The following KIAA2012 variants were observed in gnomAD, a reference collection of about 807,000 sequenced individuals.
KIAA2012 encodes the protein uncharacterized protein KIAA2012.
KIAA2012 carries 125 observed loss-of-function variants against 150.6 expected under a neutral mutation model. The observed-to-expected ratio is 0.83, with a 90% confidence interval of 0.72 to 0.96. The LOEUF (loss-of-function observed/expected upper bound fraction) is 0.96. KIAA2012 is among the 40% of genes least tolerant of loss of function. The pLI, the probability that KIAA2012 is intolerant of heterozygous loss-of-function variation, is 0.00. For missense variants in KIAA2012, 1,219 were observed against 1,354.9 expected (o/e 0.90, Z 1.57); for synonymous variants, 462 against 504.7 (o/e 0.92, Z 1.13).
chr2:202,186,691 G>A (rs1375757441), intron 16 of KIAA2012, among the ~76,000 whole-genome samples: 2 of 152,148 alleles, frequency 1.3e-5, no homozygotes, highest in Non-Finnish European at 2.9e-5. Flanking sequence ...ACCCCAAAGA[G>A]CAAACAATTT....
chr2:202,176,386 AG>A (rs1463778543), intron 15 of KIAA2012, among the ~76,000 whole-genome samples: 17 of 152,032 alleles, frequency 1.1e-4, no homozygotes, highest in Admixed American at 1.1e-3. Context: ...TAGTAGAGAC[AG>A]GGTTTCACCA....
intron 22 of KIAA2012, among the ~76,000 whole-genome samples, chr2:202,199,800 G>C (rs1295872923): frequency 6.6e-6 from 1 of 152,050 alleles, no homozygotes. Flanking sequence ...CCAAATGAGT[G>C]GCTGCATCAG....
At position 202,165,247 on chromosome 2, in the gene KIAA2012, T is replaced by C. The variant is rs748185104; in HGVS notation, c.2047-37T>C. The C allele has an allele frequency of 7.8e-6, 12 of 1,531,064 alleles. No individual in the cohort carries two copies. The South Asian group carries it at 1.3e-4, about 17-fold the overall frequency. The allele number at this position is 1,531,064 out of a possible 1,614,324, so 94.8% of individuals were successfully genotyped here. ...GTGTTTTAAGTGTTTGCATTTATTATGTCTAATGTATTCTTTGTTGTGTGT... is the reference window on the plus strand; with the variant it reads ...GTGTTTTAAGTGTTTGCATTTATTACGTCTAATGTATTCTTTGTTGTGTGT... On this transcript the variant is annotated intron_variant, in intron 14 of 23. Coordinates refer to ENST00000498697, the MANE Select transcript of KIAA2012 (RefSeq NM_001277372.4).
At chr2:202,191,387 T>G (rs1443852112) in intron 19 of KIAA2012, among the ~76,000 whole-genome samples, 1 of 151,398 alleles carries the variant, frequency 6.6e-6, no homozygotes, top group East Asian at 1.9e-4. Context: ...CCTTGAAAAT[T>G]GCTGCAATTC....
At chr2:202,182,311 G>T (rs111805800) in intron 15 of KIAA2012, among the ~76,000 whole-genome samples, 1 of 151,472 alleles carries the variant, frequency 6.6e-6, no homozygotes, top group Non-Finnish European at 1.5e-5. Flanking sequence ...GGGTTTCTCC[G>T]TGTTGGTCAG....
chr2:202,186,261 C>G (rs1692224166), intron 16 of KIAA2012, among the ~76,000 whole-genome samples: 1 of 152,174 alleles, frequency 6.6e-6, no homozygotes, highest in African/African-American at 2.4e-5. Context: ...GCCTGTAATC[C>G]CAGCACTTTG....
intron 11 of KIAA2012, among the ~76,000 whole-genome samples, chr2:202,117,579 C>A (rs1690557569): frequency 1.3e-5 from 2 of 152,190 alleles, no homozygotes; most frequent in Non-Finnish European, 2.9e-5. Context: ...ACCTGTACTG[C>A]CCAGGATTTC....
At chr2:202,163,948 A>G (rs1423852914) in intron 14 of KIAA2012, among the ~76,000 whole-genome samples, 2 of 152,140 alleles carry the variant, frequency 1.3e-5, no homozygotes, top group African/African-American at 4.8e-5. Flanking sequence ...ACAAACACAC[A>G]AGGTAAAAAG....
intron 11 of KIAA2012, chr2:202,114,221 G>A (rs1269002686): frequency 2.0e-5 from 3 of 152,764 alleles, no homozygotes; most frequent in Non-Finnish European, 4.4e-5. Context: ...TGTATCCAAG[G>A]TTCCTCCACC....
chr2:202,077,135 G>T, intron 2 of KIAA2012: 1 of 443,866 alleles, frequency 2.3e-6, no homozygotes, highest in South Asian at 1.6e-5. Context: ...TCCTTCTAGC[G>T]TAAGTGTGGT....
At chr2:202,124,792 C>T (rs115939612) in intron 11 of KIAA2012, among the ~76,000 whole-genome samples, 25 of 152,148 alleles carry the variant, frequency 1.6e-4, no homozygotes, top group South Asian at 4.2e-4. Context: ...AATTCAAGGC[C>T]GGTGCGGTGG....
chr2:202,135,561 G>C (rs113713002), intron 12 of KIAA2012, among the ~76,000 whole-genome samples: 7 of 152,202 alleles, frequency 4.6e-5, no homozygotes, highest in African/African-American at 1.4e-4. Flanking sequence ...CCAAGGTCTT[G>C]ACCCAAGAGA....
Position 202,154,788 on chromosome 2 carries a change from T to C in KIAA2012, c.2024T>C (p.Ile675Thr). The change falls in exon 14 of 24, where the codon ATC (isoleucine) becomes ACC (threonine). Residue 675 changes from isoleucine (I) to threonine (T), a missense_variant. Ile to Thr is a moderately conservative substitution (Grantham distance 89). Coordinates refer to ENST00000498697, the MANE Select transcript of KIAA2012 (RefSeq NM_001277372.4). Reference sequence around the variant, plus strand: ...GAATTTTACACGCGCAAGCTGCACATCGACATGACGCCGTTCCTGAAGGTG... The same window carrying C: ...GAATTTTACACGCGCAAGCTGCACACCGACATGACGCCGTTCCTGAAGGTG... The part of the protein sequence containing the change: ...RKEFYTRKLH[I>T]DMTPFLKESG... 6.5e-7 allele frequency: 1 copy of C among 1,548,400 alleles called. No individual in the cohort carries two copies.
At chr2:202,106,711 T>TA (rs981963740) in intron 9 of KIAA2012, among the ~76,000 whole-genome samples, 12 of 151,920 alleles carry the variant, frequency 7.9e-5, no homozygotes, top group South Asian at 4.2e-4. Flanking sequence ...AAATTTTTTT[T>TA]AAAAAGTCCA....
chr2:202,117,957 T>C (rs913791894), intron 11 of KIAA2012, among the ~76,000 whole-genome samples: 2 of 152,106 alleles, frequency 1.3e-5, no homozygotes, highest in African/African-American at 4.8e-5. Context: ...TGGAAAATGC[T>C]AAACTGATGA....
chr2:202,093,310 A>G, intron 4 of KIAA2012, 125 bp downstream of exon 4: 1 of 960,082 alleles, frequency 1.0e-6, no homozygotes, highest in Non-Finnish European at 1.6e-6. Context: ...TCAATCTGTA[A>G]AATGAGGGGT....
Position 202,125,122 on chromosome 2 carries a change from T to C in KIAA2012, c.1763-92T>C, listed in dbSNP as rs529951996. On this transcript the variant is annotated intron_variant, in intron 11 of 23. Transcript: ENST00000498697. ...TTGCAAAGCTTAAACACTGAGGCAA[T>C]CACTTCATGTTTTCCCCTGTCTTCG... is the stretch of plus-strand genomic sequence containing the variant. 72 of 1,006,652 alleles carry C rather than the reference T, an allele frequency of 7.2e-5. No homozygotes were observed. In the East Asian group the frequency reaches 1.6e-3, roughly 22 times the overall value. The allele number at this position is 1,006,652 out of a possible 1,614,324, so 62.4% of individuals were successfully genotyped here.
At chr2:202,173,183 A>G (rs1691927865) in intron 15 of KIAA2012, among the ~76,000 whole-genome samples, 1 of 152,162 alleles carries the variant, frequency 6.6e-6, no homozygotes, top group African/African-American at 2.4e-5. Flanking sequence ...AATTCTCTTC[A>G]CCTTCCAGGA....
At chr2:202,200,064 G>T (rs1692487634) in intron 22 of KIAA2012, among the ~76,000 whole-genome samples, 1 of 151,020 alleles carries the variant, frequency 6.6e-6, no homozygotes, top group South Asian at 2.1e-4. Context: ...CTGAGTAGCT[G>T]GGATTACAGG....
Sources: allele counts gnomAD v4.1 joint callset (sites outside exome capture counted in the v4.1 genomes callset), GRCh38; gene constraint gnomAD v4.1.1; transcripts MANE v1.5; gene names NCBI Gene and HGNC (gene_info 2026-07-23, HGNC 2026-07-21).